The following EXOC4 variants were observed in gnomAD, a reference collection of about 807,000 sequenced individuals.
EXOC4 encodes the protein exocyst complex component 4.
EXOC4 carries 71 observed loss-of-function variants against 107.2 expected under a neutral mutation model. That is an observed-to-expected ratio of 0.66 (90% CI 0.55 to 0.81). The LOEUF (loss-of-function observed/expected upper bound fraction) is 0.81. EXOC4 is among the 30% of genes least tolerant of loss of function. The pLI, the probability that EXOC4 is intolerant of heterozygous loss-of-function variation, is 0.00. For missense variants in EXOC4, 1,108 were observed against 1,189.6 expected, an observed-to-expected ratio of 0.93 and a Z score of 1.01; for synonymous variants, 456 against 441.2, an observed-to-expected ratio of 1.03 and a Z score of -0.42.
chr7:133,259,953 A>G (rs541079304), intron 1 of EXOC4, among the ~76,000 whole-genome samples: 3 of 152,336 alleles, frequency 2.0e-5, no homozygotes, highest in South Asian at 4.1e-4. Flanking sequence ...CTGGAAATAC[A>G]GAACACTTCC....
At chr7:133,522,532 G>A (rs970276554) in intron 9 of EXOC4, among the ~76,000 whole-genome samples, 3 of 151,972 alleles carry the variant, frequency 2.0e-5, no homozygotes, top group Admixed American at 2.0e-4. Context: ...TAGCGCATTG[G>A]GGGAGGGAGT....
chr7:133,848,894 G>T (rs980979942), intron 11 of EXOC4, among the ~76,000 whole-genome samples: 1 of 152,082 alleles, frequency 6.6e-6, no homozygotes, highest in African/African-American at 2.4e-5. Flanking sequence ...GTGGTAGGTC[G>T]TTCAGTACAT....
chr7:133,560,016 T>A (rs1800776731), intron 9 of EXOC4, among the ~76,000 whole-genome samples: 1 of 152,224 alleles, frequency 6.6e-6, no homozygotes, highest in Non-Finnish European at 1.5e-5. Flanking sequence ...AGAAGTTATA[T>A]CTGTTTATCC....
At chr7:133,321,548 C>T (rs1249102862) in intron 5 of EXOC4, among the ~76,000 whole-genome samples, 2 of 152,140 alleles carry the variant, frequency 1.3e-5, no homozygotes, top group Non-Finnish European at 1.5e-5. Flanking sequence ...TGTTAGAGGA[C>T]ATGAACTCAT....
At chr7:134,072,272 A>G in the EXOC4 span, among the ~76,000 whole-genome samples, 1 of 152,184 alleles carries the variant, frequency 6.6e-6, no homozygotes, top group Non-Finnish European at 1.5e-5. Context: ...CCCTGTAACA[A>G]AAGACAGATT....
intron 6 of EXOC4, among the ~76,000 whole-genome samples, chr7:133,365,467 C>T (rs1796230949): frequency 6.6e-6 from 1 of 152,160 alleles, no homozygotes; most frequent in African/African-American, 2.4e-5. Flanking sequence ...GGTCATCTCT[C>T]CAGAACTCAG....
chr7:133,896,275 C>CA (rs1279689014), intron 12 of EXOC4, among the ~76,000 whole-genome samples: 2 of 151,954 alleles, frequency 1.3e-5, no homozygotes, highest in East Asian at 1.9e-4. Context: ...TCCTTAGGTT[C>CA]AAAAAAATCT....
chr7:133,987,767 G>A (rs898928407), intron 14 of EXOC4, among the ~76,000 whole-genome samples: 31 of 152,016 alleles, frequency 2.0e-4, no homozygotes, highest in African/African-American at 6.8e-4. Flanking sequence ...TCACTTGCCT[G>A]ACAGCTGATA....
chr7:133,963,816 G>T (rs1404670025), intron 14 of EXOC4, among the ~76,000 whole-genome samples: 1 of 152,184 alleles, frequency 6.6e-6, no homozygotes, highest in Non-Finnish European at 1.5e-5. Flanking sequence ...ATTAGATATG[G>T]TGTCACTTTG....
downstream of EXOC4, among the ~76,000 whole-genome samples, chr7:134,067,632 TATATATACACACACACACAC>T (rs1310000749): frequency 5.1e-5 from 5 of 98,516 alleles, no homozygotes; most frequent in South Asian, 9.7e-4. Context: ...CTCTTATATA[TATATATACACACACACACAC>T]ACACACACAC....
intron 17 of EXOC4, among the ~76,000 whole-genome samples, chr7:134,055,425 G>A (rs748840819): frequency 4.6e-5 from 7 of 152,172 alleles, no homozygotes; most frequent in South Asian, 4.1e-4. Context: ...AAAATAGAAC[G>A]AATTGGCACC....
chr7:133,913,226 G>A (rs1439444347), intron 12 of EXOC4, among the ~76,000 whole-genome samples: 2 of 152,174 alleles, frequency 1.3e-5, no homozygotes, highest in East Asian at 1.9e-4. Flanking sequence ...AAGGAGAAAA[G>A]GAATAGCAGG....
chr7:133,533,005 C>T (rs770196549), intron 9 of EXOC4, among the ~76,000 whole-genome samples: 1 of 151,936 alleles, frequency 6.6e-6, no homozygotes, highest in Admixed American at 6.6e-5. Flanking sequence ...CATTGATTGC[C>T]ACTGGGAATA....
intron 9 of EXOC4, among the ~76,000 whole-genome samples, chr7:133,567,844 G>A (rs549336804): frequency 5.6e-4 from 85 of 152,212 alleles, no homozygotes; most frequent in African/African-American, 1.9e-3. Flanking sequence ...ATTCATTCCC[G>A]TGATAGGAAT....
intron 17 of EXOC4, among the ~76,000 whole-genome samples, chr7:134,047,183 CA>C (rs1332293712): frequency 7.2e-5 from 11 of 152,180 alleles, no homozygotes; most frequent in African/African-American, 2.7e-4. Flanking sequence ...TTAGCATTAG[CA>C]TTTAAATAGA....
intron 14 of EXOC4, among the ~76,000 whole-genome samples, chr7:133,945,289 G>A (rs541956475): frequency 6.6e-6 from 1 of 152,112 alleles, no homozygotes; most frequent in Admixed American, 6.5e-5. Context: ...AAACAACCAA[G>A]GTTGAGAACC....
chr7:133,901,591 G>A (rs1343216633), intron 12 of EXOC4, among the ~76,000 whole-genome samples: 1 of 152,114 alleles, frequency 6.6e-6, no homozygotes, highest in Non-Finnish European at 1.5e-5. Flanking sequence ...TTTCCTCAAA[G>A]CGTTATTTCA....
At chr7:133,671,523 C>T (rs189848600) in intron 10 of EXOC4, among the ~76,000 whole-genome samples, 15 of 152,156 alleles carry the variant, frequency 9.9e-5, no homozygotes, top group South Asian at 4.2e-4. Flanking sequence ...GCCAAGTTCA[C>T]GCCACTGCAC....
the EXOC4 span, among the ~76,000 whole-genome samples, chr7:134,074,438 A>T: frequency 6.0e-4 from 91 of 152,326 alleles, no homozygotes; most frequent in African/African-American, 2.1e-3. Flanking sequence ...TGGCAGTGGG[A>T]ATCTTTTATC....
Sources: allele counts gnomAD v4.1 joint callset (sites outside exome capture counted in the v4.1 genomes callset), GRCh38; gene constraint gnomAD v4.1.1; transcripts MANE v1.5; gene names NCBI Gene and HGNC (gene_info 2026-07-23, HGNC 2026-07-21).